RASGRP3: variants seen among roughly 807,000 people sequenced by gnomAD.
The protein encoded by RASGRP3 is RAS guanyl releasing protein 3, also known as ras guanyl-releasing protein 3.
Under a neutral mutation model 82.7 loss-of-function variants are expected in RASGRP3, and 54 were observed. That is an observed-to-expected ratio of 0.65 (90% CI 0.52 to 0.82). The LOEUF (loss-of-function observed/expected upper bound fraction) is 0.82. Among genes scored for constraint, RASGRP3 ranks in the 40% least tolerant of loss-of-function variants. RASGRP3 has a pLI of 0.00. For synonymous variants in RASGRP3, 309 were observed against 300.5 expected, an observed-to-expected ratio of 1.03 and a Z score of -0.29; for missense variants, 861 against 828.9, an observed-to-expected ratio of 1.04 and a Z score of -0.48.
rs1188478813 is a variant in RASGRP3 at position 33,562,728 on chromosome 2, G to A, written c.2065-1G>A. 1 of 1,613,676 alleles carries A rather than the reference G, an allele frequency of 6.2e-7. No homozygotes were observed. Among genetic ancestry groups the A allele is most frequent in the Non-Finnish European group, 8.5e-7 (1 of 1,179,598 alleles). ...GCAATAGGTTCCAATTTGTGTTTCA[G>A]GATGGCTGACTTCAGGCTGCGGAAA... On this transcript the variant is annotated splice_acceptor_variant, in intron 17 of 17. Coordinates refer to ENST00000403687, the MANE Select transcript of RASGRP3 (RefSeq NM_001139488.2). LOFTEE classifies it high-confidence loss of function.
intron 2 of RASGRP3, among the ~76,000 whole-genome samples, chr2:33,449,191 A>C (rs1414667997): frequency 6.6e-6 from 1 of 152,360 alleles, no homozygotes; most frequent in African/African-American, 2.4e-5. Context: ...TACCAGACAT[A>C]AGATCAGGTG....
intron 1 of RASGRP3, among the ~76,000 whole-genome samples, chr2:33,479,541 G>A (rs1382529210): frequency 6.6e-6 from 1 of 152,170 alleles, no homozygotes; most frequent in African/African-American, 2.4e-5. Flanking sequence ...CATGCACTCT[G>A]CCACTCTGCG....
At chr2:33,441,158 C>T (rs986595465) in intron 1 of RASGRP3, among the ~76,000 whole-genome samples, 1 of 152,208 alleles carries the variant, frequency 6.6e-6, no homozygotes, top group Non-Finnish European at 1.5e-5. Flanking sequence ...TCCTGAAGTG[C>T]TGCGATTACA....
chr2:33,447,105 C>CAA (rs1161927671), intron 1 of RASGRP3, among the ~76,000 whole-genome samples: 2,074 of 59,184 alleles, frequency 0.035, 66 homozygotes, highest in Middle Eastern at 0.1. Flanking sequence ...GACTCCGTCT[C>CAA]AAAAAAAAAA....
intron 11 of RASGRP3, among the ~76,000 whole-genome samples, chr2:33,538,676 T>A (rs77000837): frequency 0.017 from 2,610 of 152,304 alleles, 85 homozygotes; most frequent in African/African-American, 0.06. Context: ...CTACTGGTAT[T>A]ATGAATATAC....
intron 10 of RASGRP3, among the ~76,000 whole-genome samples, chr2:33,530,611 C>T (rs1260571063): frequency 6.6e-6 from 1 of 150,880 alleles, no homozygotes; most frequent in East Asian, 2.0e-4. Flanking sequence ...TGGACATTTG[C>T]TCTCTCATGT....
intron 3 of RASGRP3, 37 bp from the exon 4 acceptor site, chr2:33,516,505 T>G (rs756642362): frequency 1.4e-6 from 2 of 1,383,910 alleles, no homozygotes; most frequent in Non-Finnish European, 2.0e-6. Context: ...AGAATAGCAC[T>G]ATTATCTCCT....
chr2:33,471,316 T>C (rs1450908527), intron 2 of RASGRP3, among the ~76,000 whole-genome samples: 1 of 150,458 alleles, frequency 6.6e-6, no homozygotes, highest in African/African-American at 2.4e-5. Context: ...GGTAGGACTA[T>C]AGGCATCTGC....
intron 4 of RASGRP3, among the ~76,000 whole-genome samples, chr2:33,519,475 G>A (rs1374774714): frequency 6.6e-6 from 1 of 152,090 alleles, no homozygotes; most frequent in Admixed American, 6.5e-5. Flanking sequence ...AATTAGCCAG[G>A]CATGTTGGCG....
At chr2:33,486,205 C>T (rs1668364755) in intron 1 of RASGRP3, among the ~76,000 whole-genome samples, 1 of 150,326 alleles carries the variant, frequency 6.7e-6, no homozygotes, top group South Asian at 2.1e-4. Context: ...CACTCTGTCA[C>T]CTAGTCTGGG....
intron 13 of RASGRP3, among the ~76,000 whole-genome samples, chr2:33,545,209 A>G (rs1558511566): frequency 6.6e-6 from 1 of 152,190 alleles, no homozygotes; most frequent in Non-Finnish European, 1.5e-5. Context: ...ATTGATATCT[A>G]TAGAATTGTT....
chr2:33,508,462 A>G (rs189075990), intron 1 of RASGRP3, among the ~76,000 whole-genome samples: 1 of 152,256 alleles, frequency 6.6e-6, no homozygotes, highest in East Asian at 1.9e-4. Flanking sequence ...GGAGGGATTG[A>G]CCTTGGATAA....
intron 1 of RASGRP3, among the ~76,000 whole-genome samples, chr2:33,493,400 T>G (rs1669029185): frequency 5.9e-5 from 9 of 152,206 alleles, no homozygotes; most frequent in Admixed American, 5.9e-4. Context: ...CTAGTGGTGC[T>G]GTCAGAGTGA....
intron 10 of RASGRP3, chr2:33,533,029 A>G (rs546395256): frequency 1.3e-5 from 2 of 152,132 alleles, no homozygotes; most frequent in Non-Finnish European, 2.9e-5. Flanking sequence ...CCTCATACAC[A>G]TGTTAGATAA....
intron 7 of RASGRP3, 48 bp from the exon 8 acceptor site, chr2:33,523,831 T>C (rs1672264837): frequency 2.0e-6 from 3 of 1,487,316 alleles, no homozygotes; most frequent in African/African-American, 1.4e-5. Context: ...TTTTTGATTT[T>C]ACAAAGGCTC....
chr2:33,543,744 A>G, intron 13 of RASGRP3, 117 bp downstream of exon 13: 7 of 687,704 alleles, frequency 1.0e-5, no homozygotes, highest in Non-Finnish European at 1.5e-5. Flanking sequence ...TGGTGCTTTG[A>G]TGAGCCAGGT....
intron 1 of RASGRP3, among the ~76,000 whole-genome samples, chr2:33,505,135 C>CCAT (rs762191069): frequency 1.7e-4 from 25 of 148,544 alleles, no homozygotes; most frequent in Admixed American, 2.7e-4. Flanking sequence ...CATATCATCA[C>CCAT]CATCATCATC....
At chr2:33,471,693 C>CTT (rs920929365), upstream of RASGRP3, among the ~76,000 whole-genome samples, 2 of 151,826 alleles carry the variant, frequency 1.3e-5, no homozygotes, top group African/African-American at 2.4e-5. Context: ...GAACTAAGAG[C>CTT]TTTTTTTGGA....
chr2:33,534,266 C>T lies in RASGRP3; in HGVS notation c.1084-57C>T, dbSNP rs376707520. ...TTCAACTTGAAAAAAAATTCAGCAA[C>T]GTAAATAAATAAATAAATGTAATCC... On this transcript the variant is annotated intron_variant, in intron 10 of 17. Transcript: ENST00000403687. The T allele has an allele frequency of 4.8e-5, 59 of 1,232,500 alleles. 1 individual carries two copies. In the Admixed American group the frequency reaches 6.7e-4, roughly 14 times the overall value. 76.3% of individuals were successfully genotyped at this position (1,232,500 alleles called of 1,614,324 possible).
Sources: allele counts gnomAD v4.1 joint callset (sites outside exome capture counted in the v4.1 genomes callset), GRCh38; gene constraint gnomAD v4.1.1; transcripts MANE v1.5; gene names NCBI Gene and HGNC (gene_info 2026-07-23, HGNC 2026-07-21).